Variants in LCOR observed in about 807,000 individuals in gnomAD.
LCOR encodes the protein ligand dependent nuclear receptor corepressor, also known as ligand-dependent corepressor.
LCOR carries 14 observed loss-of-function variants against 64.4 expected under a neutral mutation model. The observed-to-expected ratio is 0.22, with a 90% confidence interval of 0.14 to 0.34. The LOEUF is 0.34. LCOR is among the 10% of genes least tolerant of loss of function. The pLI, the probability that LCOR is intolerant of heterozygous loss-of-function variation, is 1.00. For synonymous variants in LCOR, 643 were observed against 642.5 expected, an observed-to-expected ratio of 1.00 and a Z score of -0.01; for missense variants, 1,686 against 1,765.3, an observed-to-expected ratio of 0.96 and a Z score of 0.80.
At position 96,984,123 on chromosome 10, in the gene LCOR, T is replaced by C. The variant is rs1348067180; in HGVS notation, c.3663T>C (p.Ala1221=). ...PPVKHPLQKY[A]PSSLYPSSLQ... ...TCAAGCATCCTCTTCAGAAATACGC[T>C]CCTTCCAGCCTATATCCCAGTTCAC... Residue 1221 remains alanine, a synonymous_variant, in exon 8 of 8, where the codon GCT becomes GCC. Coordinates refer to ENST00000421806, the MANE Select transcript of LCOR (RefSeq NM_001346516.2). 12 of 1,614,016 alleles carry C rather than the reference T, an allele frequency of 7.4e-6. No homozygotes were observed. Among genetic ancestry groups the C allele is most frequent in the East Asian group, 4.5e-5 (2 of 44,888 alleles).
At chr10:96,849,886 T>C (rs1845697563) in intron 2 of LCOR, among the ~76,000 whole-genome samples, 1 of 150,590 alleles carries the variant, frequency 6.6e-6, no homozygotes, top group Non-Finnish European at 1.5e-5. Flanking sequence ...TTTTTGCTTA[T>C]TCTCTGCTCT....
chr10:96,919,271 T>A (rs1476827632), intron 4 of LCOR, among the ~76,000 whole-genome samples: 1 of 152,216 alleles, frequency 6.6e-6, no homozygotes, highest in Non-Finnish European at 1.5e-5. Context: ...CATTTGAATG[T>A]CTTAATAGAG....
intron 7 of LCOR, chr10:96,956,036 A>C: frequency 6.7e-7 from 1 of 1,481,570 alleles, no homozygotes; most frequent in Non-Finnish European, 8.9e-7. Flanking sequence ...TTCTTTGCAG[A>C]TTTTGCATTG....
chr10:96,833,272 C>T (rs988129670), intron 1 of LCOR, 134 bp from the exon 2 acceptor site: 1 of 955,858 alleles, frequency 1.0e-6, no homozygotes, highest in African/African-American at 1.8e-5. Flanking sequence ...CCCCGCCTCC[C>T]GGACCTTGGG....
chr10:96,947,019 G>C (rs1847600844), intron 5 of LCOR, among the ~76,000 whole-genome samples: 1 of 152,098 alleles, frequency 6.6e-6, no homozygotes, highest in Non-Finnish European at 1.5e-5. Context: ...GGAGATTTAT[G>C]TAGGGAGAAA....
Position 96,987,967 on chromosome 10 carries a change from C to T in LCOR, c.*2833C>T, listed in dbSNP as rs1328271000. The T allele has an allele frequency of 1.3e-5, 2 of 152,242 alleles. No individual in the cohort carries two copies. Among genetic ancestry groups the T allele is most frequent in the Non-Finnish European group, 2.9e-5 (2 of 68,044 alleles). 9.4% of individuals were successfully genotyped at this position (152,242 alleles called of 1,614,324 possible). ...CCGATCCAAATCAGAAAGGAATTCT[C>T]CTGGGTGTACACTCAGTGAAATGAC... On this transcript the variant is annotated 3_prime_UTR_variant, in exon 8 of 8. Transcript: ENST00000421806.
chr10:96,876,886 G>T (rs1846174793), intron 2 of LCOR, among the ~76,000 whole-genome samples: 1 of 152,058 alleles, frequency 6.6e-6, no homozygotes, highest in South Asian at 2.1e-4. Context: ...GTAGAGACAG[G>T]GTTTCATTAT....
At chr10:96,879,837 G>A (rs1310734714) in intron 2 of LCOR, among the ~76,000 whole-genome samples, 1 of 152,080 alleles carries the variant, frequency 6.6e-6, no homozygotes, top group East Asian at 1.9e-4. Flanking sequence ...TAATCTTTGT[G>A]TATTTAGTAG....
chr10:96,896,840 C>G (rs1846545777), intron 2 of LCOR, among the ~76,000 whole-genome samples: 1 of 152,064 alleles, frequency 6.6e-6, no homozygotes, highest in Non-Finnish European at 1.5e-5. Flanking sequence ...GGGGCTAACT[C>G]TGGAAAGAAG....
chr10:96,915,630 T>C (rs1387260132), intron 4 of LCOR: 2 of 876,536 alleles, frequency 2.3e-6, no homozygotes, highest in African/African-American at 1.6e-5. Flanking sequence ...TGCACACACT[T>C]CACTCGGCAT....
In LCOR at chr10:96,916,603, ATATC is replaced by A. The variant is rs1195417183; in HGVS notation, c.-184+8860_-184+8863del. Among the ~76,000 whole-genome samples the A allele has an allele frequency of 2.3e-4, 34 of 149,092 alleles. 2 individuals are homozygous for A. The highest frequency in any genetic ancestry group is 7.0e-3 in the Middle Eastern group (2 of 284). ...ATTTAAAGGCTATATATATATATAT[ATATC>A]TATATATATGATTATTTATTTTTTT... On this transcript the variant is annotated intron_variant, in intron 4 of 7. Transcript: ENST00000421806.
chr10:96,882,824 A>G (rs1846284377), intron 2 of LCOR, among the ~76,000 whole-genome samples: 2 of 152,038 alleles, frequency 1.3e-5, no homozygotes, highest in South Asian at 2.1e-4. Flanking sequence ...TTGGAATCCT[A>G]TAGTATGTAG....
In LCOR at chr10:96,991,008, TTTAAAGGGTTATGTAAAAAAAAAAA is replaced by T. The variant is rs1318381578; in HGVS notation, c.*5875_*5899del. The T allele has an allele frequency of 6.7e-6, 1 of 150,010 alleles. No homozygotes were observed. The highest frequency in any genetic ancestry group is 2.5e-5 in the African/African-American group (1 of 40,360). 9.3% of individuals were successfully genotyped at this position (150,010 alleles called of 1,614,324 possible). A position where few individuals can be genotyped will look rare whatever the true frequency, so the allele number is the denominator to read the frequency against. ...TGGACAAATGGATTTTTTACCCTTT[TTTAAAGGGTTATGTAAAAAAAAAAA>T]AAAAAAAAAAAAGCAACTATATGTG... On this transcript the variant is annotated 3_prime_UTR_variant, in exon 8 of 8. Transcript: ENST00000421806.
chr10:96,924,360 G>C, intron 4 of LCOR, among the ~76,000 whole-genome samples: 1 of 150,192 alleles, frequency 6.7e-6, no homozygotes, highest in East Asian at 2.0e-4. Flanking sequence ...GTGCCTCTAC[G>C]CCCAGCCAAT....
rs529858619 is a variant in LCOR at position 96,845,879 on chromosome 10, A to G, written c.-330+12400A>G. ...AAACCTTTACACTGGTCATTTTTCT[A>G]TGAATGTTTAATAGAGCTAATATGT... is the stretch of plus-strand genomic sequence containing the variant. On this transcript the variant is annotated intron_variant, in intron 2 of 7. Coordinates refer to ENST00000421806, the MANE Select transcript of LCOR (RefSeq NM_001346516.2). 4.6e-5 allele frequency among the ~76,000 whole-genome samples: 7 copies of G among 152,194 alleles called. No homozygotes were observed. In the East Asian group the frequency reaches 1.2e-3, roughly 25 times the overall value.
intron 2 of LCOR, among the ~76,000 whole-genome samples, chr10:96,878,015 TTTAG>T (rs369866381): frequency 3.3e-5 from 5 of 152,278 alleles, no homozygotes; most frequent in African/African-American, 1.2e-4. Context: ...CATTGAATAA[TTTAG>T]TTAAGAAGAA....
intron 7 of LCOR, among the ~76,000 whole-genome samples, chr10:96,973,196 A>G (rs887315052): frequency 2.0e-5 from 3 of 152,192 alleles, no homozygotes; most frequent in Admixed American, 2.0e-4. Context: ...TATGAACTTC[A>G]TTTCTCACTT....
chr10:96,942,676 T>G (rs1847515188), intron 4 of LCOR, among the ~76,000 whole-genome samples: 1 of 152,196 alleles, frequency 6.6e-6, no homozygotes, highest in South Asian at 2.1e-4. Context: ...AACATAAATC[T>G]TAGGATGGGA....
At chr10:96,868,538 T>C (rs1217837012) in intron 2 of LCOR, among the ~76,000 whole-genome samples, 1 of 152,052 alleles carries the variant, frequency 6.6e-6, no homozygotes, top group Non-Finnish European at 1.5e-5. Flanking sequence ...CCTCCGAAAG[T>C]GCTGGGATTA....
Sources: gnomAD v4.1 joint callset for allele counts (sites outside exome capture counted in the v4.1 genomes callset) on GRCh38, gnomAD v4.1.1 for gene constraint, MANE v1.5 for transcripts, NCBI Gene and HGNC (gene_info 2026-07-23, HGNC 2026-07-21) for gene names.